BLK: variants seen among roughly 807,000 people sequenced by gnomAD.
The protein encoded by BLK is BLK proto-oncogene, Src family tyrosine kinase.
Under a neutral mutation model 61.8 loss-of-function variants are expected in BLK, and 64 were observed. The observed-to-expected ratio is 1.03, with a 90% CI of 0.85 to 1.27. The LOEUF (loss-of-function observed/expected upper bound fraction) is 1.27. Among genes scored for constraint, BLK ranks in the 50% most tolerant of loss-of-function variants. The pLI, the probability that BLK is intolerant of heterozygous loss-of-function variation, is 0.00. For synonymous variants in BLK, 351 were observed against 272.0 expected (o/e 1.29, Z -2.86); for missense variants, 853 against 660.5 (o/e 1.29, Z -3.19).
chr8:11,521,486 C>G (rs140735282), intron 1 of BLK, among the ~76,000 whole-genome samples: 1 of 152,232 alleles, frequency 6.6e-6, no homozygotes, highest in Non-Finnish European at 1.5e-5. Context: ...AGGTGAGGTC[C>G]CACTCTGTTG....
intron 1 of BLK, among the ~76,000 whole-genome samples, chr8:11,521,082 T>C (rs1474743574): frequency 6.6e-6 from 1 of 152,194 alleles, no homozygotes; most frequent in Non-Finnish European, 1.5e-5. Flanking sequence ...TGTGGTTCTA[T>C]GCAGGAAAAG....
intron 1 of BLK, among the ~76,000 whole-genome samples, chr8:11,540,331 G>T (rs550589999): frequency 2.6e-5 from 4 of 152,014 alleles, no homozygotes; most frequent in East Asian, 1.9e-4. Flanking sequence ...TCACATACGC[G>T]ATTCCTGTAT....
intron 1 of BLK, among the ~76,000 whole-genome samples, chr8:11,515,332 G>A (rs973673181): frequency 6.6e-6 from 1 of 152,194 alleles, no homozygotes; most frequent in Admixed American, 6.5e-5. Context: ...TACCTGTAGA[G>A]TGGAGGTCTG....
chr8:11,552,739 C>T (rs1218488874), intron 6 of BLK: 1 of 152,222 alleles, frequency 6.6e-6, no homozygotes, highest in Non-Finnish European at 1.5e-5. Context: ...TCCCCACCCC[C>T]TGCCCAATCT....
intron 10 of BLK, among the ~76,000 whole-genome samples, chr8:11,559,375 A>C (rs533715119): frequency 2.8e-5 from 4 of 140,552 alleles, no homozygotes; most frequent in African/African-American, 1.1e-4. Flanking sequence ...TCACACAGAC[A>C]CGCAAACTCA....
intron 5 of BLK, chr8:11,549,863 A>C: frequency 2.4e-6 from 1 of 425,082 alleles, no homozygotes; most frequent in Non-Finnish European, 4.4e-6. Context: ...TGCTTTGGAG[A>C]GAGTGATCAG....
At chr8:11,525,679 G>C (rs958024586) in intron 1 of BLK, among the ~76,000 whole-genome samples, 3 of 152,176 alleles carry the variant, frequency 2.0e-5, no homozygotes, top group African/African-American at 7.2e-5. Flanking sequence ...AAACTCAAAA[G>C]TTCGCCTTCC....
intron 1 of BLK, among the ~76,000 whole-genome samples, chr8:11,532,821 C>G (rs993031338): frequency 6.6e-6 from 1 of 152,174 alleles, no homozygotes; most frequent in African/African-American, 2.4e-5. Flanking sequence ...GATTAGTGAG[C>G]GCTGAATATT....
At chr8:11,551,768 G>A (rs766631010) in intron 6 of BLK, among the ~76,000 whole-genome samples, 6 of 152,114 alleles carry the variant, frequency 3.9e-5, no homozygotes, top group African/African-American at 7.2e-5. Context: ...CTAGCTTTTC[G>A]TCTGTAAGAT....
intron 1 of BLK, among the ~76,000 whole-genome samples, chr8:11,524,228 C>A (rs1585354021): frequency 6.6e-6 from 1 of 152,136 alleles, no homozygotes. Flanking sequence ...CAGAAATAAC[C>A]AAGTTATGAC....
At chr8:11,525,891 C>T (rs941349797) in intron 1 of BLK, among the ~76,000 whole-genome samples, 1 of 152,106 alleles carries the variant, frequency 6.6e-6, no homozygotes, top group Non-Finnish European at 1.5e-5. Context: ...ATTACAGGCA[C>T]CCACCACCAT....
chr8:11,500,674 C>T lies in BLK; in HGVS notation c.-2+6083C>T, dbSNP rs568568353. 7.4e-4 allele frequency among the ~76,000 whole-genome samples: 113 copies of T among 151,876 alleles called. 1 individual carries two copies. Among genetic ancestry groups the T allele is most frequent in the African/African-American group, 2.6e-3 (106 of 41,410 alleles). ...GGGACCACAGGTGTGCACCACCACG[C>T]CTGGCTAATTTTGGTTTTTGTAGAG... On this transcript the variant is annotated intron_variant, in intron 1 of 12. Coordinates refer to ENST00000259089, the MANE Select transcript of BLK (RefSeq NM_001715.3).
rs1473442531 is a variant in BLK, at chr8:11,555,401, C to T, written c.689C>T (p.Ala230Val). Residue 230 changes from alanine (A) to valine (V), a missense_variant, in exon 8 of 13, where the codon GCC (alanine) becomes GTC (valine). Coordinates refer to ENST00000259089, the MANE Select transcript of BLK (RefSeq NM_001715.3). ...CGCCCGGCCCCGCAGAATCCCTGGG[C>T]CCAGGATGAATGGGAGATCCCCCGG... ...CVRPAPQNPW[A>V]QDEWEIPRQS... 6.2e-7 allele frequency: 1 copy of T among 1,614,028 alleles called. No individual in the cohort carries two copies. The highest frequency in any genetic ancestry group is 8.5e-7 in the Non-Finnish European group (1 of 1,180,032).
intron 1 of BLK, among the ~76,000 whole-genome samples, chr8:11,529,109 T>C (rs986550735): frequency 1.3e-5 from 2 of 152,064 alleles, no homozygotes; most frequent in Non-Finnish European, 2.9e-5. Context: ...AAATTTAAAA[T>C]AATAGTAATA....
intron 1 of BLK, among the ~76,000 whole-genome samples, chr8:11,495,304 T>A (rs927837752): frequency 1.1e-5 from 1 of 93,274 alleles, no homozygotes; most frequent in African/African-American, 4.5e-5. Flanking sequence ...TAAGGAATTG[T>A]GCGTTTGCAG....
At chr8:11,505,712 C>A (rs1427873682) in intron 1 of BLK, among the ~76,000 whole-genome samples, 1 of 152,168 alleles carries the variant, frequency 6.6e-6, no homozygotes, top group Admixed American at 6.5e-5. Context: ...AGGGTAAAGC[C>A]ACCATAAACT....
At chr8:11,535,385 A>T (rs1395058726) in intron 1 of BLK, among the ~76,000 whole-genome samples, 1 of 152,242 alleles carries the variant, frequency 6.6e-6, no homozygotes, top group African/African-American at 2.4e-5. Context: ...ACAAAGCATT[A>T]GCTGTGAATG....
chr8:11,519,627 G>A (rs370193726), intron 1 of BLK, among the ~76,000 whole-genome samples: 5 of 152,256 alleles, frequency 3.3e-5, no homozygotes, highest in Middle Eastern at 3.4e-3. Flanking sequence ...TCACCACATC[G>A]AGAACTTTAT....
chr8:11,513,364 G>C (rs572739769), intron 1 of BLK, among the ~76,000 whole-genome samples: 34 of 152,304 alleles, frequency 2.2e-4, no homozygotes, highest in African/African-American at 8.2e-4. Flanking sequence ...AGAGGGAGTG[G>C]AGAGACGAAG....
Sources: allele counts gnomAD v4.1 joint callset (sites outside exome capture counted in the v4.1 genomes callset), GRCh38; gene constraint gnomAD v4.1.1; transcripts MANE v1.5; gene names NCBI Gene and HGNC (gene_info 2026-07-23, HGNC 2026-07-21).